The following DHRS7 variants were observed in gnomAD, a reference collection of about 807,000 sequenced individuals.
DHRS7 encodes the protein dehydrogenase/reductase 7, also known as dehydrogenase/reductase SDR family member 7.
A neutral mutation model predicts 38.9 loss-of-function variants in DHRS7; 34 were observed. The ratio of observed to expected loss-of-function variants is 0.87; its 90% CI spans 0.66 to 1.16. The LOEUF (loss-of-function observed/expected upper bound fraction) is 1.16. Ranked by LOEUF, DHRS7 falls within the 50% of genes most tolerant of loss-of-function variation. The pLI, the probability that DHRS7 is intolerant of heterozygous loss-of-function variation, is 0.00. For missense variants in DHRS7, 421 were observed against 407.0 expected (o/e 1.03, Z -0.30); for synonymous variants, 158 against 153.1 (o/e 1.03, Z -0.24).
Position 60,156,180 on chromosome 14 carries a change from G to A in DHRS7, c.134-28C>T, listed in dbSNP as rs3765554. 4.2e-3 allele frequency: 6,259 copies of A among 1,489,382 alleles called. 244 individuals are homozygous for A. In the East Asian group the frequency reaches 0.09, roughly 21 times the overall value. 92.3% of individuals were successfully genotyped at this position (1,489,382 alleles called of 1,614,324 possible). ...ATGGAAGGAATGTAAATGGAAGGAA[G>A]AAAATAAGCAATGAATTACGCTCAT... On this transcript the variant is annotated intron_variant, in intron 1 of 6. Coordinates refer to ENST00000557185, the MANE Select transcript of DHRS7 (RefSeq NM_016029.4).
In DHRS7 at chr14:60,145,889, A is replaced by G. The variant is rs911490334; in HGVS notation, c.973-876T>C. 1 of 151,958 alleles carries G rather than the reference A, an allele frequency of 6.6e-6. No individual in the cohort carries two copies. Among genetic ancestry groups the G allele is most frequent in the Admixed American group, 6.6e-5 (1 of 15,236 alleles). 9.4% of individuals were successfully genotyped at this position (151,958 alleles called of 1,614,324 possible). On this transcript the variant is annotated intron_variant, in intron 6 of 6. Coordinates refer to ENST00000557185, the MANE Select transcript of DHRS7 (RefSeq NM_016029.4). This position sits in a 1 kb window ranked among gnomAD's most constrained non-coding sequence, Gnocchi z 4.0. The stretch of plus-strand genomic sequence containing the variant: ...CTGTTCTTGATCCCTAAAAATAATA[A>G]AGATTCATAAAAACAAAGTTCCAGA...
At chr14:60,149,598 A>G in intron 5 of DHRS7, 30 bp from the exon 6 acceptor site, 1 of 1,533,242 alleles carries the variant, frequency 6.5e-7, no homozygotes, top group East Asian at 2.3e-5. Context: ...AAGTGAATTT[A>G]TCCAAGCGAT....
chr14:60,160,381 A>T (rs375445073), intron 1 of DHRS7, among the ~76,000 whole-genome samples: 5 of 145,750 alleles, frequency 3.4e-5, no homozygotes, highest in Admixed American at 7.0e-5. Context: ...CCTACTTTGT[A>T]TCTGAAAAGA....
At chr14:60,169,795 A>C (rs2140624073), upstream of DHRS7, 1 of 152,318 alleles carries the variant, frequency 6.6e-6, no homozygotes, top group East Asian at 1.9e-4. Context: ...TGTTCAGATC[A>C]ACTTTAGCCT....
In DHRS7 at chr14:60,144,854, T is replaced by C. The variant is rs1595187293; in HGVS notation, c.*112A>G. Reference sequence around the variant, plus strand: ...CATGTTGGAAGCAAAGTCATATCTATTAAAAAGTAAAATCACAAATTAGTC... The same window carrying C: ...CATGTTGGAAGCAAAGTCATATCTACTAAAAAGTAAAATCACAAATTAGTC... On this transcript the variant is annotated 3_prime_UTR_variant, in exon 7 of 7. Coordinates refer to ENST00000557185, the MANE Select transcript of DHRS7 (RefSeq NM_016029.4). 8.6e-6 allele frequency: 8 copies of C among 926,728 alleles called. No individual in the cohort carries two copies. In the East Asian group the frequency reaches 2.0e-4, roughly 23 times the overall value. 57.4% of individuals were successfully genotyped at this position (926,728 alleles called of 1,614,324 possible).
At chr14:60,157,490 A>G (rs2140605454) in intron 1 of DHRS7, among the ~76,000 whole-genome samples, 1 of 152,366 alleles carries the variant, frequency 6.6e-6, no homozygotes, top group South Asian at 2.1e-4. Flanking sequence ...CCAGGAAAAC[A>G]GAGTTACCAA....
chr14:60,160,343 C>CTTT (rs752997109), intron 1 of DHRS7, among the ~76,000 whole-genome samples: 3 of 116,792 alleles, frequency 2.6e-5, no homozygotes, highest in Non-Finnish European at 5.5e-5. Context: ...AAAAAAACTT[C>CTTT]TTTTTTTTTT....
rs949435500 is a variant in DHRS7 at position 60,144,764 on chromosome 14, T to C, written c.*202A>G. 1.8e-6 allele frequency: 1 copy of C among 553,174 alleles called. No homozygotes were observed. Among genetic ancestry groups the C allele is most frequent in the Admixed American group, 3.3e-5 (1 of 30,698 alleles). The allele number at this position is 553,174 out of a possible 1,614,324, so 34.3% of individuals were successfully genotyped here. ...AAGGTTATTTTATCCAAGAATATAG[T>C]ATGAGTTAATACCTTTTTTGCAAGA... On this transcript the variant is annotated 3_prime_UTR_variant, in exon 7 of 7. Transcript: ENST00000557185.
chr14:60,166,900 T>C (rs776284941), upstream of DHRS7, among the ~76,000 whole-genome samples: 2 of 152,154 alleles, frequency 1.3e-5, no homozygotes, highest in African/African-American at 4.8e-5. Flanking sequence ...CCCACGTTGA[T>C]TGAATTCTCC....
In DHRS7 at chr14:60,149,705, A is replaced by C. The variant is rs1383078400; in HGVS notation, c.757-137T>G. 4.6e-6 allele frequency: 3 copies of C among 651,578 alleles called. No individual in the cohort carries two copies. The Admixed American group carries it at 9.2e-5, about 20-fold the overall frequency. The allele number at this position is 651,578 out of a possible 1,614,324, so 40.4% of individuals were successfully genotyped here. Reference sequence around the variant, plus strand: ...CCCCTTAGGAGTCTCCATAGGTACTAATGGGAGTTTATAAACTATTTGTAA... The same window carrying C: ...CCCCTTAGGAGTCTCCATAGGTACTCATGGGAGTTTATAAACTATTTGTAA... On this transcript the variant is annotated intron_variant, in intron 5 of 6. Coordinates refer to ENST00000557185, the MANE Select transcript of DHRS7 (RefSeq NM_016029.4).
chr14:60,167,499 T>C (rs1244130949), upstream of DHRS7, among the ~76,000 whole-genome samples: 1 of 152,246 alleles, frequency 6.6e-6, no homozygotes. Flanking sequence ...TGGTCTGGGG[T>C]CAGGCCCATT....
At chr14:60,163,175 A>G (rs1029037720) in intron 1 of DHRS7, among the ~76,000 whole-genome samples, 1 of 152,322 alleles carries the variant, frequency 6.6e-6, no homozygotes, top group African/African-American at 2.4e-5. Context: ...GTCTCAAAAA[A>G]AAAAAGAAAA....
At chr14:60,155,128 T>C (rs1188549281) in intron 2 of DHRS7, among the ~76,000 whole-genome samples, 1 of 152,178 alleles carries the variant, frequency 6.6e-6, no homozygotes, top group Non-Finnish European at 1.5e-5. Context: ...TGAAAAATAA[T>C]AACTTTATAC....
chr14:60,156,237 T>A, intron 1 of DHRS7, 85 bp from the exon 2 acceptor site: 1 of 1,091,234 alleles, frequency 9.2e-7, no homozygotes. Context: ...AAAGAAAGCC[T>A]TAAACAATAC....
chr14:60,156,035 A>G lies in DHRS7; in HGVS notation c.251T>C (p.Val84Ala), dbSNP rs1566533737. The G allele has an allele frequency of 6.3e-7, 1 of 1,593,734 alleles. No individual in the cohort carries two copies. The highest frequency in any genetic ancestry group is 2.3e-5 in the East Asian group (1 of 43,372). Residue 84 changes from valine to alanine, a missense_variant, in exon 2 of 7, where the codon GTG becomes GCG. Coordinates refer to ENST00000557185, the MANE Select transcript of DHRS7 (RefSeq NM_016029.4). ...TCTTTTCACCCTTTCCAGCTCATGCACTCTTCTGGCTGACAGCACAAGAGA... is the reference window on the plus strand; with the variant it reads ...TCTTTTCACCCTTTCCAGCTCATGCGCTCTTCTGGCTGACAGCACAAGAGA... ...GVSLVLSARR[V>A]HELERVKRRC...
chr14:60,158,014 C>A (rs1307084912), intron 1 of DHRS7, among the ~76,000 whole-genome samples: 1 of 152,078 alleles, frequency 6.6e-6, no homozygotes, highest in Admixed American at 6.6e-5. Flanking sequence ...GGGCAGATCA[C>A]TTGAGGCCAG....
At chr14:60,150,291 A>G (rs1042764937) in intron 4 of DHRS7, 104 bp from the exon 5 acceptor site, 1 of 1,124,068 alleles carries the variant, frequency 8.9e-7, no homozygotes, top group Non-Finnish European at 1.2e-6. Flanking sequence ...AAGGACAGGT[A>G]GTGTAATCAT....
At position 60,149,676 on chromosome 14, in the gene DHRS7, C is replaced by T. The variant is rs1595191515; in HGVS notation, c.757-108G>A. 3.8e-6 allele frequency: 3 copies of T among 798,542 alleles called. No homozygotes were observed. In the East Asian group the frequency reaches 7.9e-5, roughly 21 times the overall value. The allele number at this position is 798,542 out of a possible 1,614,324, so 49.5% of individuals were successfully genotyped here. A position where few individuals can be genotyped will look rare whatever the true frequency, so the allele number is the denominator to read the frequency against. On this transcript the variant is annotated intron_variant, in intron 5 of 6. Transcript: ENST00000557185. ...TTGAGTGGTTCCTTTAGTGGAGCTT[C>T]ATGCCCCTTAGGAGTCTCCATAGGT...
intron 4 of DHRS7, among the ~76,000 whole-genome samples, chr14:60,150,458 C>T (rs1006633118): frequency 6.6e-6 from 1 of 152,066 alleles, no homozygotes; most frequent in African/African-American, 2.4e-5. Context: ...TAATGCTATC[C>T]GTCCCCACTC....
Sources: allele counts gnomAD v4.1 joint callset (sites outside exome capture counted in the v4.1 genomes callset), GRCh38; gene constraint gnomAD v4.1.1; non-coding constraint Gnocchi (gnomAD v3.1); transcripts MANE v1.5; gene names NCBI Gene and HGNC (gene_info 2026-07-23, HGNC 2026-07-21).